The following PRRC2C variants were observed in gnomAD, a reference collection of about 807,000 sequenced individuals.
PRRC2C encodes the protein protein PRRC2C.
PRRC2C carries 72 observed loss-of-function variants against 317.2 expected under a neutral mutation model. The observed-to-expected ratio is 0.23, with a 90% confidence interval of 0.19 to 0.28. The LOEUF (loss-of-function observed/expected upper bound fraction) is 0.28. PRRC2C is among the 10% of genes least tolerant of loss of function. The pLI is 1.00. For missense variants in PRRC2C, 3,074 were observed against 3,459.7 expected (o/e 0.89, Z 2.80); for synonymous variants, 1,296 against 1,205.9 (o/e 1.07, Z -1.55).
At position 171,592,251 on chromosome 1, in the gene PRRC2C, A is replaced by G. The variant is rs1478943593; in HGVS notation, c.*404A>G. On this transcript the variant is annotated 3_prime_UTR_variant, in exon 35 of 35. Transcript: ENST00000647382. ...GTGTGATGGTCCCAGCTACTACATC[A>G]GATGCGGTTTTTTTGCTCCCTTATG... The G allele has an allele frequency of 6.2e-6, 1 of 160,484 alleles. No individual in the cohort carries two copies. Among genetic ancestry groups the G allele is most frequent in the African/African-American group, 2.4e-5 (1 of 41,712 alleles). 9.9% of individuals were successfully genotyped at this position (160,484 alleles called of 1,614,324 possible).
chr1:171,557,738 C>G lies in PRRC2C; in HGVS notation c.5626C>G (p.Pro1876Ala). The change falls in exon 19 of 35, where the codon CCA (proline) becomes GCA (alanine). Residue 1876 changes from proline to alanine, a missense_variant. Pro to Ala is a conservative substitution (Grantham distance 27). Around this residue, in one of 11 missense-constraint regions of PRRC2C, gnomAD observed 640 missense variants for 676.1 expected, o/e 0.95. Coordinates refer to ENST00000647382, the MANE Select transcript of PRRC2C (RefSeq NM_001387844.1). The part of the protein sequence containing the change: ...LASALASTSA[P>A]TPAPAASSPA... ...TTCAGCCCTAGCATCAACTTCAGCT[C>G]CAACGCCAGCCCCAGCAGCCTCTTC... 1 of 1,551,470 alleles carries G rather than the reference C, an allele frequency of 6.4e-7. No homozygotes were observed. The highest frequency in any genetic ancestry group is 8.7e-7 in the Non-Finnish European group (1 of 1,146,912).
chr1:171,506,878 C>G (rs1462972981), intron 1 of PRRC2C, among the ~76,000 whole-genome samples: 1 of 151,938 alleles, frequency 6.6e-6, no homozygotes, highest in Non-Finnish European at 1.5e-5. Context: ...TGTATTCAAT[C>G]TTTAGCTTGT....
At chr1:171,518,492 C>CAATTTTTTTTT (rs1672847260) in intron 6 of PRRC2C, among the ~76,000 whole-genome samples, 1 of 68,394 alleles carries the variant, frequency 1.5e-5, no homozygotes, top group Non-Finnish European at 3.3e-5. Flanking sequence ...AATTTTTTTT[C>CAATTTTTTTTT]AATTTTTTTT....
At chr1:171,512,231 T>TAA in intron 2 of PRRC2C, 31 bp downstream of exon 2, 1 of 1,429,110 alleles carries the variant, frequency 7.0e-7, no homozygotes, top group Non-Finnish European at 9.6e-7. Context: ...CTTATGTTTT[T>TAA]CATGGTTTGT....
intron 1 of PRRC2C, among the ~76,000 whole-genome samples, chr1:171,494,898 A>G (rs1410760238): frequency 3.3e-5 from 5 of 151,888 alleles, no homozygotes; most frequent in Non-Finnish European, 5.9e-5. Context: ...ATCCAAGCTT[A>G]TTTTCTAGAT....
At chr1:171,588,626 TC>T (rs1650606658) in intron 33 of PRRC2C, 121 bp downstream of exon 33, 2 of 1,120,626 alleles carry the variant, frequency 1.8e-6, no homozygotes, top group African/African-American at 3.2e-5. Context: ...AAAAATTGTT[TC>T]TGAATTTAAC....
chr1:171,517,224 A>G (rs1422642666), intron 5 of PRRC2C, among the ~76,000 whole-genome samples: 1 of 152,216 alleles, frequency 6.6e-6, no homozygotes, highest in Non-Finnish European at 1.5e-5. Flanking sequence ...TCCAGATTGT[A>G]GAAGTCCCAT....
At chr1:171,584,922 C>G (rs1649510475) in intron 30 of PRRC2C, among the ~76,000 whole-genome samples, 1 of 152,126 alleles carries the variant, frequency 6.6e-6, no homozygotes, top group South Asian at 2.1e-4. Context: ...CAGGCTCACG[C>G]CATTATGCCT....
At chr1:171,492,215 C>T (rs1667282162) in intron 1 of PRRC2C, among the ~76,000 whole-genome samples, 1 of 152,122 alleles carries the variant, frequency 6.6e-6, no homozygotes, top group Non-Finnish European at 1.5e-5. Flanking sequence ...GAACTAGAGT[C>T]TTCTGGCATT....
intron 20 of PRRC2C, among the ~76,000 whole-genome samples, chr1:171,561,684 TAATG>T (rs1682744712): frequency 6.6e-6 from 1 of 152,218 alleles, no homozygotes; most frequent in Non-Finnish European, 1.5e-5. Context: ...AGAAAGATCT[TAATG>T]AAACAGAAAA....
chr1:171,492,019 G>A (rs776028217), intron 1 of PRRC2C, among the ~76,000 whole-genome samples: 3 of 150,568 alleles, frequency 2.0e-5, no homozygotes, highest in Non-Finnish European at 4.5e-5. Context: ...AAATGGAACA[G>A]TGGCATTTTA....
intron 1 of PRRC2C, among the ~76,000 whole-genome samples, chr1:171,498,615 A>G (rs1236944112): frequency 6.6e-6 from 1 of 152,220 alleles, no homozygotes; most frequent in East Asian, 1.9e-4. Flanking sequence ...TTCTGGCAGT[A>G]TCTTCATCCA....
At chr1:171,567,504 A>G (rs1407696819) in intron 22 of PRRC2C, among the ~76,000 whole-genome samples, 1 of 152,206 alleles carries the variant, frequency 6.6e-6, no homozygotes, top group Non-Finnish European at 1.5e-5. Context: ...ATTGCCATAC[A>G]GCTGAATTCA....
intron 14 of PRRC2C, among the ~76,000 whole-genome samples, 172 bp from the exon 15 acceptor site, chr1:171,537,091 T>C (rs1219189279): frequency 6.6e-6 from 1 of 152,198 alleles, no homozygotes; most frequent in African/African-American, 2.4e-5. Context: ...AAAATTCCAT[T>C]CACAGAACAA....
At chr1:171,523,378 C>T (rs756018930) in intron 8 of PRRC2C, 24 bp downstream of exon 8, 1 of 1,613,712 alleles carries the variant, frequency 6.2e-7, no homozygotes, top group South Asian at 1.1e-5. Flanking sequence ...TTAATTAAGT[C>T]CTTTAAATTG....
At chr1:171,585,518 T>A (rs1649682825) in intron 30 of PRRC2C, among the ~76,000 whole-genome samples, 1 of 152,214 alleles carries the variant, frequency 6.6e-6, no homozygotes, top group South Asian at 2.1e-4. Context: ...AATTCATGAA[T>A]ATCTTATTGA....
chr1:171,527,856 G>A lies in PRRC2C; in HGVS notation c.1254+12G>A. ...TGCTTGCACAGCAGGTAAATTTTAAGTGCTTGTTTATGGATTATATATTTT... is the reference window on the plus strand; with the variant it reads ...TGCTTGCACAGCAGGTAAATTTTAAATGCTTGTTTATGGATTATATATTTT... On this transcript the variant is annotated intron_variant, in intron 11 of 34. Transcript: ENST00000647382. 1.3e-6 allele frequency: 2 copies of A among 1,565,342 alleles called. No homozygotes were observed. The highest frequency in any genetic ancestry group is 1.7e-6 in the Non-Finnish European group (2 of 1,151,456).
intron 3 of PRRC2C, chr1:171,513,384 G>T: frequency 1.5e-6 from 1 of 670,468 alleles, no homozygotes; most frequent in Non-Finnish European, 2.7e-6. Context: ...GACAGAATTG[G>T]GAATCACAAC....
chr1:171,510,722 T>A (rs1466260341), intron 1 of PRRC2C: 1 of 152,176 alleles, frequency 6.6e-6, no homozygotes, highest in Non-Finnish European at 1.5e-5. Flanking sequence ...AAAGATGGTT[T>A]ATTGTAAACG....
Sources: gnomAD v4.1 joint callset for allele counts (sites outside exome capture counted in the v4.1 genomes callset) on GRCh38, gnomAD v4.1.1 for gene constraint, gnomAD v4.1.1 regional missense constraint, MANE v1.5 for transcripts, NCBI Gene and HGNC (gene_info 2026-07-23, HGNC 2026-07-21) for gene names.